GAPVD1: variants seen among roughly 807,000 people sequenced by gnomAD.
The protein encoded by GAPVD1 is GTPase activating protein and VPS9 domains 1.
Under a neutral mutation model 155.5 loss-of-function variants are expected in GAPVD1, and 35 were observed. The observed-to-expected ratio is 0.23, with a 90% CI of 0.17 to 0.30. The LOEUF is 0.30. GAPVD1 is among the 10% of genes least tolerant of loss of function. The probability of loss-of-function intolerance (pLI) is 1.00; values close to 1 mark genes in which losing one functional copy is unlikely to be tolerated. For synonymous variants in GAPVD1, 636 were observed against 619.7 expected, an observed-to-expected ratio of 1.03 and a Z score of -0.39; for missense variants, 1,429 against 1,775.7, an observed-to-expected ratio of 0.80 and a Z score of 3.51.
At chr9:125,308,172 A>T (rs1221708080) in intron 8 of GAPVD1, 7 of 496,540 alleles carry the variant, frequency 1.4e-5, no homozygotes, top group Non-Finnish European at 2.1e-5. Context: ...TGTTATAAGT[A>T]GTCATCTTTA....
intron 1 of GAPVD1, among the ~76,000 whole-genome samples, chr9:125,265,172 G>T (rs987752983): frequency 2.0e-5 from 3 of 152,192 alleles, no homozygotes; most frequent in Admixed American, 2.0e-4. Context: ...AAAAGGGAAA[G>T]TCTGTAAGTG....
At chr9:125,296,508 C>T (rs1234323955) in intron 3 of GAPVD1, among the ~76,000 whole-genome samples, 1 of 151,054 alleles carries the variant, frequency 6.6e-6, no homozygotes, top group African/African-American at 2.4e-5. Flanking sequence ...GCATGTGCCA[C>T]CATGCCCGGC....
rs1362378895 is a variant in GAPVD1, at chr9:125,334,190, G to A, written c.2428+1561G>A. Among the ~76,000 whole-genome samples, 6 of 151,220 alleles carry A rather than the reference G, an allele frequency of 4.0e-5. No homozygotes were observed. In the East Asian group the frequency reaches 9.7e-4, roughly 24 times the overall value. On this transcript the variant is annotated intron_variant, in intron 15 of 27. Transcript: ENST00000297933. ...TCACCGTGTCGACATTTGTACTTAC[G>A]GTGCATAGGCAAAGTGGATAAAATT...
intron 12 of GAPVD1, among the ~76,000 whole-genome samples, chr9:125,329,809 G>A (rs568498278): frequency 1.3e-5 from 2 of 152,096 alleles, no homozygotes; most frequent in South Asian, 4.2e-4. Context: ...AGCTTCCCAA[G>A]TAGCTGAGAC....
chr9:125,335,711 G>A (rs1051790499), intron 15 of GAPVD1, among the ~76,000 whole-genome samples: 2 of 152,090 alleles, frequency 1.3e-5, no homozygotes, highest in Non-Finnish European at 2.9e-5. Context: ...CCAAACCAGA[G>A]TAGGTTCAGA....
At chr9:125,275,940 C>T (rs984598822) in intron 2 of GAPVD1, among the ~76,000 whole-genome samples, 2 of 152,058 alleles carry the variant, frequency 1.3e-5, no homozygotes, top group Non-Finnish European at 2.9e-5. Context: ...TAATAAAATC[C>T]GAGCTTAACC....
intron 19 of GAPVD1, among the ~76,000 whole-genome samples, chr9:125,344,806 T>C (rs1426594221): frequency 6.8e-6 from 1 of 147,152 alleles, no homozygotes; most frequent in African/African-American, 2.5e-5. Context: ...CTTGTTTCTA[T>C]TAAAAAAAAA....
chr9:125,359,326 A>G, intron 25 of GAPVD1, 94 bp from the exon 26 acceptor site: 1 of 771,428 alleles, frequency 1.3e-6, no homozygotes, highest in South Asian at 1.4e-5. Flanking sequence ...TCTAGTCAAC[A>G]TGTTTCACGT....
At position 125,332,018 on chromosome 9, in the gene GAPVD1, G is replaced by A. The variant is rs767111153; in HGVS notation, c.2266G>A (p.Val756Ile). ...STSDDTDVRE[V>I]SSRPSTPGLS... ...ATCTGATGATACGGATGTCAGGGAG[G>A]TCAGTTCCCGCCCCAGCACACCAGG... Residue 756 changes from valine (V) to isoleucine (I), a missense_variant, in exon 14 of 28, where the codon GTC (valine) becomes ATC (isoleucine). This residue lies in a region of GAPVD1 where 699 missense variants were observed against 826.0 expected (regional missense o/e 0.85). Coordinates refer to ENST00000297933, the MANE Select transcript of GAPVD1 (RefSeq NM_001282680.3). The A allele has an allele frequency of 1.2e-6, 2 of 1,614,072 alleles. No individual in the cohort carries two copies. The highest frequency in any genetic ancestry group is 1.7e-6 in the Non-Finnish European group (2 of 1,179,950).
At chr9:125,355,011 A>G (rs992535003) in intron 24 of GAPVD1, among the ~76,000 whole-genome samples, 170 bp downstream of exon 24, 6 of 152,130 alleles carry the variant, frequency 3.9e-5, no homozygotes, top group African/African-American at 1.4e-4. Context: ...AATAAATTGC[A>G]TTTTTCTCCT....
At chr9:125,276,232 T>C (rs959914027) in intron 2 of GAPVD1, among the ~76,000 whole-genome samples, 2 of 152,194 alleles carry the variant, frequency 1.3e-5, no homozygotes, top group African/African-American at 4.8e-5. Flanking sequence ...CCCATTCTTT[T>C]TTCTACAATG....
intron 21 of GAPVD1, 21 bp downstream of exon 21, chr9:125,349,540 G>T (rs1397163630): frequency 3.7e-6 from 6 of 1,608,924 alleles, no homozygotes; most frequent in Non-Finnish European, 4.3e-6. Flanking sequence ...TATAGGATTT[G>T]GGACTTTAGG....
intron 15 of GAPVD1, among the ~76,000 whole-genome samples, chr9:125,332,932 C>T (rs1373349791): frequency 6.6e-6 from 1 of 152,036 alleles, no homozygotes; most frequent in African/African-American, 2.4e-5. Context: ...AGTGGAATGG[C>T]TAAATAATTT....
chr9:125,301,458 T>C (rs553903069), intron 4 of GAPVD1, among the ~76,000 whole-genome samples: 22 of 152,188 alleles, frequency 1.4e-4, no homozygotes, highest in African/African-American at 2.4e-4. Context: ...TTCTTTCTTT[T>C]TTTTTTTCCA....
chr9:125,326,716 T>C lies in GAPVD1; in HGVS notation c.2032+127T>C, dbSNP rs78640943. ...GTTAGCACCATCTGGGAAACTGTTA[T>C]AACTGTATGGAACAAGGCATTTGGG... On this transcript the variant is annotated intron_variant, in intron 12 of 27. Coordinates refer to ENST00000297933, the MANE Select transcript of GAPVD1 (RefSeq NM_001282680.3). 1.4e-4 allele frequency: 97 copies of C among 678,446 alleles called. No homozygotes were observed. The African/African-American group carries it at 1.5e-3, about 11-fold the overall frequency. 42.0% of individuals were successfully genotyped at this position (678,446 alleles called of 1,614,324 possible). A position where few individuals can be genotyped will look rare whatever the true frequency, so the allele number is the denominator to read the frequency against.
intron 5 of GAPVD1, among the ~76,000 whole-genome samples, chr9:125,303,273 CT>C (rs1218064222): frequency 1.3e-5 from 2 of 151,836 alleles, no homozygotes; most frequent in Non-Finnish European, 2.9e-5. Flanking sequence ...CCCACCTCGG[CT>C]TCCCAAAGTG....
intron 8 of GAPVD1, chr9:125,309,792 A>C (rs535074878): frequency 1.2e-4 from 25 of 216,438 alleles, no homozygotes; most frequent in African/African-American, 5.4e-4. Context: ...TCTGATGGAA[A>C]GTGAATTTCA....
At position 125,283,028 on chromosome 9, in the gene GAPVD1, T is replaced by TTTTATTTATTTA. The variant is rs10649964; in HGVS notation, c.-149-12396_-149-12385dup. ...GCTGTTACTTAAAGTTTATTTTTAT[T>TTTTATTTATTTA]TTTATTTATTTATTTATTTATTTAT... On this transcript the variant is annotated intron_variant, in intron 2 of 27. Transcript: ENST00000297933. 4.6e-3 allele frequency among the ~76,000 whole-genome samples: 660 copies of TTTTATTTATTTA among 143,370 alleles called. 8 individuals carry two copies. The highest frequency in any genetic ancestry group is 0.015 in the East Asian group (71 of 4,852). The allele number at this position is 143,370 out of a possible 152,430, so 94.1% of individuals were successfully genotyped here.
At chr9:125,325,042 T>C (rs560717566) in intron 11 of GAPVD1, among the ~76,000 whole-genome samples, 11 of 151,300 alleles carry the variant, frequency 7.3e-5, no homozygotes, top group Non-Finnish European at 1.5e-4. Flanking sequence ...CTGGCCAACA[T>C]AGTGAAACCC....
Sources: gnomAD v4.1 joint callset for allele counts (sites outside exome capture counted in the v4.1 genomes callset) on GRCh38, gnomAD v4.1.1 for gene constraint, gnomAD v4.1.1 regional missense constraint, MANE v1.5 for transcripts, NCBI Gene and HGNC (gene_info 2026-07-23, HGNC 2026-07-21) for gene names.